The following HROB variants were observed in gnomAD, a reference collection of about 807,000 sequenced individuals.
HROB encodes the protein homologous recombination factor with OB-fold.
HROB carries 44 observed loss-of-function variants against 61.0 expected under a neutral mutation model. The observed-to-expected ratio is 0.72, with a 90% confidence interval of 0.57 to 0.93. The LOEUF (loss-of-function observed/expected upper bound fraction) is 0.93, where lower values mean the gene tolerates loss of function less well. HROB is among the 40% of genes least tolerant of loss of function. The pLI is 0.00. For missense variants in HROB, 716 were observed against 796.2 expected, an observed-to-expected ratio of 0.90 and a Z score of 1.21; for synonymous variants, 301 against 310.4, an observed-to-expected ratio of 0.97 and a Z score of 0.32.
Position 44,162,082 on chromosome 17 carries a change from T to TGA in HROB, c.*154_*155dup, listed in dbSNP as rs939659122. The TGA allele has an allele frequency of 1.6e-5, 13 of 797,600 alleles. No homozygotes were observed. The highest frequency in any genetic ancestry group is 2.6e-5 in the Non-Finnish European group (13 of 507,758). The allele number at this position is 797,600 out of a possible 1,614,324, so 49.4% of individuals were successfully genotyped here. A position where few individuals can be genotyped will look rare whatever the true frequency, so the allele number is the denominator to read the frequency against. On this transcript the variant is annotated 3_prime_UTR_variant, in exon 10 of 10. Transcript: ENST00000585683. ...TTGCTCCCACCCTGGGTGTTTTCCC[T>TGA]GAGAGCCCCCTCATCTCTGCGCTGC...
intron 4 of HROB, among the ~76,000 whole-genome samples, chr17:44,152,053 G>C (rs964778797): frequency 2.6e-5 from 4 of 152,014 alleles, no homozygotes; most frequent in Non-Finnish European, 5.9e-5. Context: ...CACCATGTTA[G>C]CCAGGATGGT....
At chr17:44,149,119 A>AGAAG (rs1375711779) in intron 3 of HROB, 92 bp downstream of exon 3, 3 of 1,289,320 alleles carry the variant, frequency 2.3e-6, no homozygotes, top group Admixed American at 2.6e-5. Flanking sequence ...CCTCTTGCAG[A>AGAAG]GAAGGAAGGA....
At position 44,162,240 on chromosome 17, in the gene HROB, G is replaced by T. The variant is rs58287676; in HGVS notation, c.*308G>T. ...CCTCAGCTTAATTTTAGAGGATATT[G>T]GGCCTGGTTTTCTTGTCCCTTCATA... On this transcript the variant is annotated 3_prime_UTR_variant, in exon 10 of 10. Transcript: ENST00000585683. The T allele has an allele frequency of 2.2e-3, 730 of 336,304 alleles. 6 individuals carry two copies. The highest frequency in any genetic ancestry group is 0.015 in the African/African-American group (699 of 46,978). The allele number at this position is 336,304 out of a possible 1,614,324, so 20.8% of individuals were successfully genotyped here.
In HROB at chr17:44,147,951, C is replaced by T; in HGVS notation, c.148C>T (p.Gln50Ter). 6.2e-7 allele frequency: 1 copy of T among 1,614,134 alleles called. No individual in the cohort carries two copies. Among genetic ancestry groups the T allele is most frequent in the South Asian group, 1.1e-5 (1 of 91,090 alleles). The change falls in exon 3 of 10, where the codon CAG (glutamine) becomes TAG (stop). Residue 50 changes from glutamine to a stop codon, truncating the protein, a stop_gained. Coordinates refer to ENST00000585683, the MANE Select transcript of HROB (RefSeq NM_001171251.3). LOFTEE classifies it high-confidence loss of function. ...GRLRPVSSRP[Q>*]ETVQAQSSRL... ...CCTGAGACCTGTCTCTTCTAGGCCA[C>T]AGGAGACTGTGCAGGCACAGTCCTC...
At chr17:44,151,375 C>T (rs1460441962) in intron 4 of HROB, among the ~76,000 whole-genome samples, 1 of 152,176 alleles carries the variant, frequency 6.6e-6, no homozygotes, top group Non-Finnish European at 1.5e-5. Context: ...CCCTTCCTCT[C>T]AGGTTTCTGA....
At chr17:44,158,481 T>G (rs1317759701) in intron 9 of HROB, among the ~76,000 whole-genome samples, 2 of 152,144 alleles carry the variant, frequency 1.3e-5, no homozygotes, top group African/African-American at 4.8e-5. Context: ...TTTAGCTTTT[T>G]TTACTTTAAT....
chr17:44,149,309 C>T (rs1012166754), intron 3 of HROB, among the ~76,000 whole-genome samples: 3 of 151,390 alleles, frequency 2.0e-5, no homozygotes, highest in African/African-American at 4.9e-5. Context: ...AGTGCAGTGG[C>T]GCAATCTCAG....
At chr17:44,158,564 T>C (rs949651455) in intron 9 of HROB, among the ~76,000 whole-genome samples, 1 of 152,020 alleles carries the variant, frequency 6.6e-6, no homozygotes, top group Non-Finnish European at 1.5e-5. Flanking sequence ...CCTCACTGCA[T>C]CCTCGGCCTC....
chr17:44,155,125 G>T (rs2053933763), intron 7 of HROB, among the ~76,000 whole-genome samples, 161 bp from the exon 8 acceptor site: 1 of 152,192 alleles, frequency 6.6e-6, no homozygotes, highest in Non-Finnish European at 1.5e-5. Flanking sequence ...GGGTGGATAG[G>T]GATGGAGGGT....
At chr17:44,150,577 A>G (rs2053770037) in intron 3 of HROB, among the ~76,000 whole-genome samples, 1 of 151,900 alleles carries the variant, frequency 6.6e-6, no homozygotes, top group Non-Finnish European at 1.5e-5. Context: ...TTTGGTAGAG[A>G]TGGGGGTTTC....
Position 44,155,393 on chromosome 17 carries a change from A to C in HROB, c.1752A>C (p.Pro584=), listed in dbSNP as rs1193261798. 1.2e-6 allele frequency: 2 copies of C among 1,614,174 alleles called. No individual in the cohort carries two copies. Among genetic ancestry groups the C allele is most frequent in the Admixed American group, 3.3e-5 (2 of 60,018 alleles). Residue 584 remains proline, a synonymous_variant, in exon 8 of 10, where the codon CCA becomes CCC. Coordinates refer to ENST00000585683, the MANE Select transcript of HROB (RefSeq NM_001171251.3). The part of the protein sequence containing the change: ...PDSGDGSFLK[P]SQPFPKDSGS... The stretch of plus-strand genomic sequence containing the variant: ...CTGGGGATGGGAGCTTCCTCAAGCC[A>C]TCTCAGCCCTTCCCCAAGGTAAGAG...
chr17:44,160,160 T>G (rs1034019764), intron 9 of HROB, among the ~76,000 whole-genome samples: 1 of 152,250 alleles, frequency 6.6e-6, no homozygotes, highest in African/African-American at 2.4e-5. Flanking sequence ...CTTTCACTCT[T>G]GTCTTCTGCT....
Position 44,157,828 on chromosome 17 carries a change from C to T in HROB, c.1771-5C>T. The T allele has an allele frequency of 6.2e-7, 1 of 1,610,226 alleles. No individual in the cohort carries two copies. Among genetic ancestry groups the T allele is most frequent in the African/African-American group, 1.3e-5 (1 of 74,968 alleles). ...GGCATTGGTAACCAGATCCTCTGTC[C>T]CCAGGATTCAGGGAGCTTCCAGCAT... On this transcript the variant is annotated splice_region_variant and splice_polypyrimidine_tract_variant and intron_variant, in intron 8 of 9. Transcript: ENST00000585683.
intron 9 of HROB, among the ~76,000 whole-genome samples, chr17:44,160,922 G>A (rs1263481687): frequency 6.6e-6 from 1 of 152,220 alleles, no homozygotes; most frequent in Admixed American, 6.5e-5. Flanking sequence ...GGGCTGGTGG[G>A]CCGGGCATGG....
chr17:44,151,156 G>A, intron 4 of HROB, 112 bp downstream of exon 4: 2 of 1,152,044 alleles, frequency 1.7e-6, no homozygotes, highest in Middle Eastern at 5.3e-4. Flanking sequence ...GTTTGCTGGT[G>A]TCACACACTA....
intron 2 of HROB, 50 bp from the exon 3 acceptor site, chr17:44,147,808 G>A (rs763636992): frequency 6.6e-7 from 1 of 1,513,758 alleles, no homozygotes; most frequent in Admixed American, 1.8e-5. Context: ...AAAAGCAGAG[G>A]GGTTCTTGAT....
chr17:44,154,415 C>G (rs2144033756), intron 5 of HROB, 141 bp from the exon 6 acceptor site: 1 of 711,582 alleles, frequency 1.4e-6, no homozygotes, highest in East Asian at 2.7e-5. Context: ...GATGGGGTAC[C>G]TCCTTGTCCT....
intron 8 of HROB, among the ~76,000 whole-genome samples, chr17:44,155,779 G>A (rs2053952681): frequency 6.6e-6 from 1 of 152,192 alleles, no homozygotes; most frequent in South Asian, 2.1e-4. Flanking sequence ...AGAACAGTGA[G>A]CTACAAATGG....
intron 1 of HROB, 44 bp from the exon 2 acceptor site, chr17:44,145,159 G>T (rs770764734): frequency 5.0e-6 from 8 of 1,605,686 alleles, no homozygotes; most frequent in Admixed American, 1.7e-5. Context: ...GAATGTGCTT[G>T]CAAATGGTAT....
Sources: gnomAD v4.1 joint callset for allele counts (sites outside exome capture counted in the v4.1 genomes callset) on GRCh38, gnomAD v4.1.1 for gene constraint, MANE v1.5 for transcripts, NCBI Gene and HGNC (gene_info 2026-07-23, HGNC 2026-07-21) for gene names.